The following GNRHR variants were observed in gnomAD, a reference collection of about 807,000 sequenced individuals.
GNRHR encodes gonadotropin releasing hormone receptor, also known as gonadotropin-releasing hormone receptor.
A neutral mutation model predicts 28.1 loss-of-function variants in GNRHR; 14 were observed. The observed-to-expected ratio is 0.50, with a 90% confidence interval of 0.33 to 0.78. GNRHR has a LOEUF of 0.78. Among genes scored for constraint, GNRHR ranks in the 30% least tolerant of loss-of-function variants. The pLI is 0.02. For missense variants in GNRHR, 366 were observed against 382.1 expected (o/e 0.96, Z 0.35); for synonymous variants, 141 against 140.5 (o/e 1.00, Z -0.02).
In GNRHR at chr4:67,744,742, T is replaced by G; in HGVS notation, c.568A>C (p.Thr190Pro). The part of the protein sequence containing the change: ...MIHLADSSGQ[T>P]KVFSQCVTHC... The stretch of plus-strand genomic sequence containing the variant: ...GTTACACATTGAGAGAAAACTTTTG[T>G]CTGTCCAGAGCTGTCTGCTAGATGA... The change falls in exon 2 of 3, where the codon ACA becomes CCA. Residue 190 changes from threonine (T) to proline (P), a missense_variant. Thr to Pro is a conservative substitution (Grantham distance 38). Coordinates refer to ENST00000226413, the MANE Select transcript of GNRHR (RefSeq NM_000406.3). 6.2e-7 allele frequency: 1 copy of G among 1,608,754 alleles called. No homozygotes were observed. Among genetic ancestry groups the G allele is most frequent in the Non-Finnish European group, 8.5e-7 (1 of 1,175,022 alleles).
At chr4:67,748,522 T>A (rs949354144) in intron 1 of GNRHR, among the ~76,000 whole-genome samples, 1 of 152,004 alleles carries the variant, frequency 6.6e-6, no homozygotes, top group Non-Finnish European at 1.5e-5. Context: ...CACTTCAAGC[T>A]TTTTCTGCCT....
At chr4:67,750,659 A>G (rs1453499229) in intron 1 of GNRHR, among the ~76,000 whole-genome samples, 2 of 152,114 alleles carry the variant, frequency 1.3e-5, no homozygotes, top group Non-Finnish European at 2.9e-5. Context: ...AAATGTCATA[A>G]ATTCCCAGAT....
At chr4:67,745,909 A>C (rs1352935773) in intron 1 of GNRHR, among the ~76,000 whole-genome samples, 2 of 152,092 alleles carry the variant, frequency 1.3e-5, no homozygotes, top group African/African-American at 4.8e-5. Flanking sequence ...CTCTCCAAAA[A>C]TGTCAATATC....
At chr4:67,751,082 CT>C (rs1270087021) in intron 1 of GNRHR, among the ~76,000 whole-genome samples, 4 of 152,112 alleles carry the variant, frequency 2.6e-5, no homozygotes, top group African/African-American at 9.7e-5. Flanking sequence ...TAAATCAGTG[CT>C]TTTTGAACTG....
rs148112458 is a variant in GNRHR, at chr4:67,753,869, C to T, written c.467G>A (p.Gly156Glu). ...PLALKSNSKV[G>E]QSMVGLAWIL... ...CCAGGCCAGGCCAACCATGGACTGT[C>T]CGACTTTGCTGTTGCTTTTCAAAGC... The change falls in exon 1 of 3, where the codon GGA becomes GAA. Residue 156 changes from glycine (G) to glutamate (E), a missense_variant. Physicochemically the swap from Gly to Glu is moderately conservative, Grantham distance 98. Coordinates refer to ENST00000226413, the MANE Select transcript of GNRHR (RefSeq NM_000406.3). The T allele has an allele frequency of 1.2e-6, 2 of 1,613,862 alleles. No individual in the cohort carries two copies. Among genetic ancestry groups the T allele is most frequent in the African/African-American group, 1.3e-5 (1 of 75,048 alleles).
At chr4:67,740,843 T>C (rs1731646319) in intron 2 of GNRHR, 119 bp from the exon 3 acceptor site, 2 of 732,846 alleles carry the variant, frequency 2.7e-6, no homozygotes, top group African/African-American at 3.6e-5. Context: ...ATTTCCATTA[T>C]TTTAAATAAT....
chr4:67,745,885 A>G (rs1003228985), intron 1 of GNRHR, among the ~76,000 whole-genome samples: 1 of 152,114 alleles, frequency 6.6e-6, no homozygotes, highest in African/African-American at 2.4e-5. Flanking sequence ...ATTTTACAAA[A>G]TGACTGGTCT....
intron 1 of GNRHR, among the ~76,000 whole-genome samples, chr4:67,749,873 T>C (rs2627264): frequency 6.6e-6 from 1 of 152,114 alleles, no homozygotes; most frequent in African/African-American, 2.4e-5. Context: ...TTTGAAAAAT[T>C]TGAAATAATC....
Position 67,738,487 on chromosome 4 carries a change from A to G in GNRHR, c.*1993T>C, listed in dbSNP as rs1217136789. 6.6e-6 allele frequency among the ~76,000 whole-genome samples: 1 copy of G among 151,840 alleles called. No individual in the cohort carries two copies. The highest frequency in any genetic ancestry group is 6.6e-5 in the Admixed American group (1 of 15,232). The stretch of plus-strand genomic sequence containing the variant: ...GCCTGAGGCAATTCCTAAGACAGAG[A>G]GATCCATAATGAGCACACAAGAAGA... On this transcript the variant is annotated 3_prime_UTR_variant, in exon 3 of 3. Transcript: ENST00000226413.
At chr4:67,748,663 A>T (rs78636281) in intron 1 of GNRHR, among the ~76,000 whole-genome samples, 3,199 of 151,780 alleles carry the variant, frequency 0.021, 75 homozygotes, top group East Asian at 0.1. Context: ...ACATGTATAC[A>T]TATGTAACAA....
Position 67,754,299 on chromosome 4 carries a change from G to T in GNRHR, c.37C>A (p.His13Asn). The T allele has an allele frequency of 1.9e-6, 3 of 1,612,238 alleles. No homozygotes were observed. Among genetic ancestry groups the T allele is most frequent in the Middle Eastern group, 1.7e-4 (1 of 6,058 alleles). Residue 13 changes from histidine to asparagine, a missense_variant, in exon 1 of 3, where the codon CAC (histidine) becomes AAC (asparagine). His to Asn is a moderately conservative substitution (Grantham distance 68). Coordinates refer to ENST00000226413, the MANE Select transcript of GNRHR (RefSeq NM_000406.3). ...NSASPEQNQN[H>N]CSAINNSIPL... is the part of the protein sequence containing the mutation. ...ATGCTGTTGTTGATGGCTGAACAGT[G>T]ATTTTGATTCTGTTCAGGAGAGGCA...
chr4:67,748,542 C>A (rs980742420), intron 1 of GNRHR, among the ~76,000 whole-genome samples: 5 of 151,608 alleles, frequency 3.3e-5, no homozygotes, highest in Non-Finnish European at 7.4e-5. Flanking sequence ...TTTTTCTTCC[C>A]CAGCCTCCTA....
At chr4:67,744,132 A>G (rs986216276) in intron 2 of GNRHR, among the ~76,000 whole-genome samples, 10 of 152,242 alleles carry the variant, frequency 6.6e-5, no homozygotes, top group African/African-American at 2.2e-4. Flanking sequence ...ACATACACAC[A>G]AATGTGCATA....
At chr4:67,742,433 C>G (rs1304030514) in intron 2 of GNRHR, among the ~76,000 whole-genome samples, 1 of 151,612 alleles carries the variant, frequency 6.6e-6, no homozygotes, top group Non-Finnish European at 1.5e-5. Flanking sequence ...GTGTACTACC[C>G]CAAATTATCT....
chr4:67,752,747 C>G (rs779696645), intron 1 of GNRHR, among the ~76,000 whole-genome samples: 2 of 151,754 alleles, frequency 1.3e-5, no homozygotes, highest in Non-Finnish European at 2.9e-5. Context: ...TGGGATAAAA[C>G]AGTTATCCAG....
At chr4:67,744,154 G>A (rs1731712984) in intron 2 of GNRHR, among the ~76,000 whole-genome samples, 1 of 152,154 alleles carries the variant, frequency 6.6e-6, no homozygotes, top group Non-Finnish European at 1.5e-5. Flanking sequence ...TTTATGTCGT[G>A]TAAATATATG....
intron 2 of GNRHR, among the ~76,000 whole-genome samples, chr4:67,743,604 C>T (rs527798557): frequency 6.6e-6 from 1 of 152,122 alleles, no homozygotes; most frequent in South Asian, 2.1e-4. Flanking sequence ...ATATTTATTG[C>T]TTCCTGCCTC....
intron 2 of GNRHR, among the ~76,000 whole-genome samples, chr4:67,743,139 G>A (rs751272931): frequency 4.6e-5 from 7 of 151,996 alleles, no homozygotes; most frequent in Admixed American, 6.6e-5. Flanking sequence ...TTTTGGTAGA[G>A]ACAGGTTTCA....
intron 1 of GNRHR, among the ~76,000 whole-genome samples, chr4:67,749,348 A>C (rs1731825471): frequency 6.6e-6 from 1 of 152,160 alleles, no homozygotes; most frequent in Non-Finnish European, 1.5e-5. Flanking sequence ...AAAGCTGTCA[A>C]TATGTAATAC....
Sources: gnomAD v4.1 joint callset for allele counts (sites outside exome capture counted in the v4.1 genomes callset) on GRCh38, gnomAD v4.1.1 for gene constraint, MANE v1.5 for transcripts, NCBI Gene and HGNC (gene_info 2026-07-23, HGNC 2026-07-21) for gene names.